The following MRM1 variants were observed in gnomAD, a reference collection of about 807,000 sequenced individuals.
The protein encoded by MRM1 is rRNA methyltransferase 1, mitochondrial.
MRM1 carries 24 observed loss-of-function variants against 25.0 expected under a neutral mutation model. The ratio of observed to expected loss-of-function variants is 0.96; its 90% CI spans 0.69 to 1.35. MRM1 has a LOEUF of 1.35. Ranked by LOEUF, MRM1 falls within the 40% of genes most tolerant of loss-of-function variation. MRM1 has a pLI of 0.00. For synonymous variants in MRM1, 188 were observed against 199.2 expected, an observed-to-expected ratio of 0.94 and a Z score of 0.47; for missense variants, 431 against 464.1, an observed-to-expected ratio of 0.93 and a Z score of 0.65.
chr17:36,632,099 C>T, the MRM1 span, among the ~76,000 whole-genome samples: 1 of 152,154 alleles, frequency 6.6e-6, no homozygotes, highest in South Asian at 2.1e-4. Context: ...AGGTGATCCG[C>T]CCGCCTTGGC....
the MRM1 span, among the ~76,000 whole-genome samples, chr17:36,616,012 C>G: frequency 2.0e-5 from 3 of 152,036 alleles, no homozygotes; most frequent in Non-Finnish European, 4.4e-5. Context: ...ACAACAACAA[C>G]AACAACGACA....
the MRM1 span, among the ~76,000 whole-genome samples, chr17:36,632,212 T>C: frequency 2.0e-5 from 3 of 152,254 alleles, no homozygotes; most frequent in East Asian, 5.8e-4. Flanking sequence ...TGAATACTTG[T>C]TAGTGCCCAG....
chr17:36,604,316 T>G (rs2142835601), intron 2 of MRM1, among the ~76,000 whole-genome samples: 1 of 152,326 alleles, frequency 6.6e-6, no homozygotes, highest in South Asian at 2.1e-4. Flanking sequence ...TTCTCAATTC[T>G]TTTCTGACTT....
chr17:36,610,137 A>G (rs529546032), downstream of MRM1, among the ~76,000 whole-genome samples: 2 of 151,980 alleles, frequency 1.3e-5, no homozygotes, highest in Non-Finnish European at 2.9e-5. Flanking sequence ...TGTGTTGGCC[A>G]AGCTGGTCTC....
chr17:36,602,712 C>T lies in MRM1; in HGVS notation c.636+66C>T. The T allele has an allele frequency of 6.4e-7, 1 of 1,570,436 alleles. No homozygotes were observed. Among genetic ancestry groups the T allele is most frequent in the Non-Finnish European group, 8.8e-7 (1 of 1,141,186 alleles). On this transcript the variant is annotated intron_variant, in intron 2 of 4. Coordinates refer to ENST00000614766, the MANE Select transcript of MRM1 (RefSeq NM_024864.5). The surrounding 1 kb of genome is among the most constrained non-coding windows in gnomAD (Gnocchi z 4.1). ...GCTCAGCCTCTTCAAGGGGACGAAG[C>T]TAGCCCCTGGCGAGGGAGAGAAAGG...
At chr17:36,610,524 GC>G (rs2074970473), downstream of MRM1, among the ~76,000 whole-genome samples, 1 of 151,980 alleles carries the variant, frequency 6.6e-6, no homozygotes, top group African/African-American at 2.4e-5. Context: ...GAGCCACTGC[GC>G]CCGGCCTAAG....
In MRM1 at chr17:36,601,718, C is replaced by T. The variant is rs933707062; in HGVS notation, c.-93C>T. 1.1e-4 allele frequency: 144 copies of T among 1,349,484 alleles called. No homozygotes were observed. Among genetic ancestry groups the T allele is most frequent in the Non-Finnish European group, 1.4e-4 (140 of 1,007,538 alleles). 83.6% of individuals were successfully genotyped at this position (1,349,484 alleles called of 1,614,324 possible). ...GAGACGGCTGTCGAGTACCCTTCAC[C>T]TCGGTGTTGGGAGCCTGGGAGCGAA... On this transcript the variant is annotated 5_prime_UTR_variant, in exon 1 of 5. Transcript: ENST00000614766.
the MRM1 span, among the ~76,000 whole-genome samples, chr17:36,617,002 A>C: frequency 6.6e-6 from 1 of 152,186 alleles, no homozygotes; most frequent in Non-Finnish European, 1.5e-5. Context: ...CTGGGATTAC[A>C]GGCATGAACC....
chr17:36,608,830 T>G lies in MRM1; in HGVS notation c.*415T>G, dbSNP rs2074955311. On this transcript the variant is annotated 3_prime_UTR_variant, in exon 5 of 5. Coordinates refer to ENST00000614766, the MANE Select transcript of MRM1 (RefSeq NM_024864.5). ...TGGAGGGCGGGGCCCTGATGTGGAG[T>G]AGACAGTGCGCACCTCAGGCCCACA... The G allele has an allele frequency of 5.8e-6, 1 of 172,512 alleles. No individual in the cohort carries two copies. Among genetic ancestry groups the G allele is most frequent in the Admixed American group, 6.3e-5 (1 of 15,792 alleles). The allele number at this position is 172,512 out of a possible 1,614,324, so 10.7% of individuals were successfully genotyped here.
At chr17:36,626,904 A>G in the MRM1 span, among the ~76,000 whole-genome samples, 1 of 152,116 alleles carries the variant, frequency 6.6e-6, no homozygotes, top group Admixed American at 6.5e-5. Flanking sequence ...TAATTCTGTC[A>G]TTGTCACAGC....
chr17:36,603,256 T>G, intron 2 of MRM1: 1 of 982,848 alleles, frequency 1.0e-6, no homozygotes, highest in Middle Eastern at 5.2e-4. Flanking sequence ...AACAACGCTG[T>G]CCAATAAAAA....
chr17:36,601,999 GGCCGCCC>G lies in MRM1; in HGVS notation c.195_201del (p.Arg66LeufsTer56). On this transcript the variant is annotated frameshift_variant, in exon 1 of 5. Coordinates refer to ENST00000614766, the MANE Select transcript of MRM1 (RefSeq NM_024864.5). LOFTEE classifies it high-confidence loss of function. ...TGACCCCGTGTCTCCTGGCTCTGCA[GGCCGCCC>G]GCCGCTCTGTGGCCCGGCTCCTGCT... 6.2e-7 allele frequency: 1 copy of G among 1,609,452 alleles called. No homozygotes were observed. The highest frequency in any genetic ancestry group is 8.5e-7 in the Non-Finnish European group (1 of 1,179,004).
rs761960719 is a variant in MRM1, at chr17:36,602,191, G to A, written c.381G>A (p.Arg127=). The change falls in exon 1 of 5, where the codon CGG becomes CGA. Residue 127 remains arginine, a synonymous_variant. Transcript: ENST00000614766. The surrounding 1 kb of genome is among the most constrained non-coding windows in gnomAD (Gnocchi z 4.1). The part of the protein sequence containing the change: ...QGVCMEVSPL[R]PRPWREAGEA... ...TCTGCATGGAGGTGAGCCCGCTGCG[G>A]CCCCGGCCTTGGAGAGAGGCCGGGG... 6.8e-6 allele frequency: 11 copies of A among 1,610,546 alleles called. No individual in the cohort carries two copies. The Admixed American group carries it at 1.2e-4, about 17-fold the overall frequency.
chr17:36,626,180 G>T, the MRM1 span, among the ~76,000 whole-genome samples: 1 of 152,186 alleles, frequency 6.6e-6, no homozygotes, highest in African/African-American at 2.4e-5. Flanking sequence ...TTCCAGCCTG[G>T]CATCCTCACC....
the MRM1 span, among the ~76,000 whole-genome samples, chr17:36,621,424 C>A: frequency 6.6e-6 from 1 of 152,152 alleles, no homozygotes; most frequent in Non-Finnish European, 1.5e-5. Context: ...ACACTGACAT[C>A]CTGCCTGTCT....
At chr17:36,605,721 T>C (rs1425730796) in intron 2 of MRM1, among the ~76,000 whole-genome samples, 1 of 151,932 alleles carries the variant, frequency 6.6e-6, no homozygotes, top group Admixed American at 6.6e-5. Context: ...CTGGAGCAAC[T>C]CCATCCCTTT....
the MRM1 span, among the ~76,000 whole-genome samples, chr17:36,615,016 G>T: frequency 6.6e-6 from 1 of 152,190 alleles, no homozygotes; most frequent in African/African-American, 2.4e-5. Context: ...GATTGGGAAA[G>T]GGAGAGGGGC....
Position 36,602,597 on chromosome 17 carries a change from T to TGGAG in MRM1, c.589_592dup (p.Val198GlyfsTer9). On this transcript the variant is annotated frameshift_variant, in exon 2 of 5. Transcript: ENST00000614766. LOFTEE classifies it high-confidence loss of function. This position sits in a 1 kb window ranked among gnomAD's most constrained non-coding sequence, Gnocchi z 4.1. ...GTCAGCAAGTCCAGCGCGGGGGCTA[T>TGGAG]GGAGGTGATGGACGTGTTCTCCACT... is the stretch of plus-strand genomic sequence containing the variant. 1 of 1,614,172 alleles carries TGGAG rather than the reference T, an allele frequency of 6.2e-7. No homozygotes were observed. Among genetic ancestry groups the TGGAG allele is most frequent in the South Asian group, 1.1e-5 (1 of 91,086 alleles).
the MRM1 span, among the ~76,000 whole-genome samples, chr17:36,633,867 C>G: frequency 6.6e-6 from 1 of 152,286 alleles, no homozygotes. Context: ...TTCTCTCCTC[C>G]TCTGTCTCTC....
Sources: allele counts gnomAD v4.1 joint callset (sites outside exome capture counted in the v4.1 genomes callset), GRCh38; gene constraint gnomAD v4.1.1; non-coding constraint Gnocchi (gnomAD v3.1); transcripts MANE v1.5; gene names NCBI Gene and HGNC (gene_info 2026-07-23, HGNC 2026-07-21).